Variants in ZPBP observed in about 807,000 individuals in gnomAD.
ZPBP encodes the protein zona pellucida-binding protein 1.
Under a neutral mutation model 44.8 loss-of-function variants are expected in ZPBP, and 26 were observed. The ratio of observed to expected loss-of-function variants is 0.58; its 90% CI spans 0.43 to 0.81. ZPBP has a LOEUF of 0.81. Among genes scored for constraint, ZPBP ranks in the 30% least tolerant of loss-of-function variants. The pLI is 0.00. For synonymous variants in ZPBP, 174 were observed against 153.2 expected, an observed-to-expected ratio of 1.14 and a Z score of -1.00; for missense variants, 409 against 434.0, an observed-to-expected ratio of 0.94 and a Z score of 0.51.
At chr7:49,872,059 AAGT>A (rs1227619163) in intron 2 of ZPBP, among the ~76,000 whole-genome samples, 1 of 151,894 alleles carries the variant, frequency 6.6e-6, no homozygotes, top group African/African-American at 2.4e-5. Context: ...AAACAAAACT[AAGT>A]AGATGAATAA....
the ZPBP span, among the ~76,000 whole-genome samples, chr7:49,843,139 C>T: frequency 6.6e-6 from 1 of 152,176 alleles, no homozygotes; most frequent in Admixed American, 6.5e-5. Context: ...CAATGTTTAG[C>T]TCCCACTTAC....
chr7:49,911,946 CAT>C (rs1294749066), intron 1 of ZPBP: 31,717 of 738,934 alleles, frequency 0.043, 5,059 homozygotes, highest in South Asian at 0.055. Context: ...CACACACACA[CAT>C]ATATATACTG....
chr7:49,851,258 G>C (rs1465613179), intron 2 of ZPBP, among the ~76,000 whole-genome samples: 1 of 152,108 alleles, frequency 6.6e-6, no homozygotes, highest in Non-Finnish European at 1.5e-5. Flanking sequence ...AGGGCCACTT[G>C]GGTAATCCAG....
At chr7:49,966,296 C>T (rs1796056457) in intron 7 of ZPBP, among the ~76,000 whole-genome samples, 1 of 152,042 alleles carries the variant, frequency 6.6e-6, no homozygotes, top group South Asian at 2.1e-4. Context: ...TTGCTGAACT[C>T]TCCTCCCATT....
chr7:49,881,482 G>A (rs1791662077), intron 2 of ZPBP, among the ~76,000 whole-genome samples: 1 of 152,150 alleles, frequency 6.6e-6, no homozygotes, highest in Non-Finnish European at 1.5e-5. Flanking sequence ...CTCTACCCAT[G>A]CACAAAACGT....
chr7:50,001,087 G>C (rs1798076576), intron 6 of ZPBP, among the ~76,000 whole-genome samples: 1 of 152,154 alleles, frequency 6.6e-6, no homozygotes, highest in African/African-American at 2.4e-5. Context: ...CCAACACCCT[G>C]ATCGTGCTCT....
In ZPBP at chr7:50,018,257, A is replaced by C; in HGVS notation, c.766T>G (p.Tyr256Asp). The C allele has an allele frequency of 6.2e-7, 1 of 1,610,918 alleles. No homozygotes were observed. The highest frequency in any genetic ancestry group is 8.5e-7 in the Non-Finnish European group (1 of 1,178,804). Residue 256 changes from tyrosine (Y) to aspartate (D), a missense_variant, in exon 6 of 8, where the codon TAC becomes GAC. Around this residue, in one of 2 missense-constraint regions of ZPBP, gnomAD observed 367 missense variants for 363.1 expected, o/e 1.01. Coordinates refer to ENST00000046087, the MANE Select transcript of ZPBP (RefSeq NM_007009.3). ...TAACATACCTTAAAAAGTCTTTTGT[A>C]AGGTTCACAGTTATGGTCTGTACAT... The part of the protein sequence containing the change: ...KRCTDHNCEP[Y>D]KRLFKAKNLI...
At chr7:49,981,695 A>ATATTATAT (rs1554361173) in intron 7 of ZPBP, among the ~76,000 whole-genome samples, 4 of 42,368 alleles carry the variant, frequency 9.4e-5, no homozygotes, top group African/African-American at 7.4e-4. Context: ...TAATATATAT[A>ATATTATAT]ATTATATATA....
chr7:50,027,415 T>C (rs1799388632), intron 5 of ZPBP, among the ~76,000 whole-genome samples: 1 of 152,016 alleles, frequency 6.6e-6, no homozygotes, highest in Non-Finnish European at 1.5e-5. Context: ...AAAATACTTG[T>C]AGATGAATGA....
intron 7 of ZPBP, among the ~76,000 whole-genome samples, chr7:49,945,160 T>C (rs1795050728): frequency 6.6e-6 from 1 of 152,168 alleles, no homozygotes; most frequent in Admixed American, 6.6e-5. Flanking sequence ...GTTTCAAAAT[T>C]CCTCTTGTTA....
chr7:50,041,392 C>T (rs1800088496), intron 4 of ZPBP, among the ~76,000 whole-genome samples: 1 of 152,208 alleles, frequency 6.6e-6, no homozygotes, highest in Admixed American at 6.5e-5. Flanking sequence ...CGTCGACAGA[C>T]ACCTCATACA....
At chr7:49,919,984 T>C (rs1272350754) in intron 1 of ZPBP, 1 of 152,246 alleles carries the variant, frequency 6.6e-6, no homozygotes, top group Non-Finnish European at 1.5e-5. Context: ...TTCAAAATTG[T>C]GCCTTCTATT....
chr7:50,056,333 T>C (rs1187143900), intron 4 of ZPBP: 3 of 152,224 alleles, frequency 2.0e-5, no homozygotes, highest in African/African-American at 7.2e-5. Flanking sequence ...GGCTTCTTCT[T>C]TGATTTTCAA....
intron 1 of ZPBP, chr7:49,913,997 G>A (rs1793594068): frequency 6.6e-6 from 1 of 152,146 alleles, no homozygotes; most frequent in Non-Finnish European, 1.5e-5. Flanking sequence ...ATACTCAGGG[G>A]AATTATTAGC....
chr7:50,091,687 AC>A (rs1415961016), intron 1 of ZPBP, among the ~76,000 whole-genome samples: 3 of 152,210 alleles, frequency 2.0e-5, no homozygotes, highest in African/African-American at 7.2e-5. Flanking sequence ...CAAACACTAT[AC>A]CTTGCACATT....
In ZPBP at chr7:49,975,625, A is replaced by C. The variant is rs193193845; in HGVS notation, c.961+7717T>G. Reference sequence around the variant, plus strand: ...TGTTCTTCCTTGGATAAAAATTCTCATTGTGAATCTCTATACACTATATTG... The same window carrying C: ...TGTTCTTCCTTGGATAAAAATTCTCCTTGTGAATCTCTATACACTATATTG... On this transcript the variant is annotated intron_variant, in intron 7 of 7. Coordinates refer to ENST00000046087, the MANE Select transcript of ZPBP (RefSeq NM_007009.3). Among the ~76,000 whole-genome samples the C allele has an allele frequency of 5.3e-5, 8 of 152,214 alleles. No homozygotes were observed. In the East Asian group the frequency reaches 1.4e-3, roughly 26 times the overall value.
At chr7:50,010,744 T>C (rs556175750) in intron 6 of ZPBP, among the ~76,000 whole-genome samples, 2 of 151,736 alleles carry the variant, frequency 1.3e-5, no homozygotes, top group South Asian at 2.1e-4. Context: ...CATGGATGAG[T>C]AGAATCAATA....
intron 7 of ZPBP, among the ~76,000 whole-genome samples, chr7:49,958,112 G>A (rs1795689842): frequency 6.6e-6 from 1 of 152,130 alleles, no homozygotes; most frequent in Non-Finnish European, 1.5e-5. Context: ...TCCTCTGCCT[G>A]TTCCACCATA....
In ZPBP at chr7:50,006,632, T is replaced by C. The variant is rs566880942; in HGVS notation, c.783+11608A>G. On this transcript the variant is annotated intron_variant, in intron 6 of 7. Transcript: ENST00000046087. ...ATAAACATTTCAAATCAACCTACCT[T>C]TACAACCTAGAGAATTAGAAAAAGA... Among the ~76,000 whole-genome samples the C allele has an allele frequency of 8.6e-5, 13 of 151,970 alleles. No homozygotes were observed. In the East Asian group the frequency reaches 2.3e-3, roughly 27 times the overall value.
Sources: gnomAD v4.1 joint callset for allele counts (sites outside exome capture counted in the v4.1 genomes callset) on GRCh38, gnomAD v4.1.1 for gene constraint, gnomAD v4.1.1 regional missense constraint, MANE v1.5 for transcripts, NCBI Gene and HGNC (gene_info 2026-07-23, HGNC 2026-07-21) for gene names.